The following MAPK6 variants were observed in gnomAD, a reference collection of about 807,000 sequenced individuals.
MAPK6 encodes the protein ERK-3.
Under a neutral mutation model 59.3 loss-of-function variants are expected in MAPK6, and 19 were observed. The ratio of observed to expected loss-of-function variants is 0.32; its 90% CI spans 0.22 to 0.47. MAPK6 has a LOEUF of 0.47. Ranked by LOEUF, MAPK6 falls within the 20% of genes least tolerant of loss-of-function variation. The pLI is 1.00. For synonymous variants in MAPK6, 316 were observed against 290.3 expected (o/e 1.09, Z -0.90); for missense variants, 724 against 847.9 (o/e 0.85, Z 1.81).
intron 1 of MAPK6, among the ~76,000 whole-genome samples, chr15:51,975,835 CA>C (rs2057155690): frequency 6.6e-6 from 1 of 151,810 alleles, no homozygotes; most frequent in Non-Finnish European, 1.5e-5. Context: ...AGTAAATACT[CA>C]GCTGATTTCT....
At chr15:52,044,926 C>CT (rs80337297) in intron 1 of MAPK6, among the ~76,000 whole-genome samples, 6,007 of 130,698 alleles carry the variant, frequency 0.046, 174 homozygotes, top group East Asian at 0.081. Flanking sequence ...TTTTTTTTTC[C>CT]TTTTTTTTTT....
intron 1 of MAPK6, among the ~76,000 whole-genome samples, chr15:52,039,065 TG>T (rs1293358678): frequency 5.2e-4 from 79 of 152,346 alleles, no homozygotes; most frequent in African/African-American, 1.8e-3. Flanking sequence ...CAGGCTGAAG[TG>T]CAGTGGCACG....
chr15:51,976,159 GGGA>G (rs1377752001), intron 1 of MAPK6, among the ~76,000 whole-genome samples: 1 of 150,976 alleles, frequency 6.6e-6, no homozygotes, highest in Admixed American at 6.6e-5. Flanking sequence ...CCAGCTACTC[GGGA>G]GGCTGAGGCA....
chr15:52,040,060 A>G (rs1031987653), intron 1 of MAPK6, among the ~76,000 whole-genome samples: 1 of 152,192 alleles, frequency 6.6e-6, no homozygotes, highest in South Asian at 2.1e-4. Context: ...CCCACCATAC[A>G]TTAGGAGCAA....
chr15:52,054,999 C>T (rs902007474), intron 3 of MAPK6, among the ~76,000 whole-genome samples: 3 of 152,230 alleles, frequency 2.0e-5, no homozygotes, highest in African/African-American at 7.2e-5. Context: ...AGGCCGGTCT[C>T]AAATTCCTGA....
At chr15:52,051,064 T>G (rs1355897020) in intron 3 of MAPK6, among the ~76,000 whole-genome samples, 1 of 149,672 alleles carries the variant, frequency 6.7e-6, no homozygotes, top group African/African-American at 2.4e-5. Flanking sequence ...TCTATACCCA[T>G]TTTTTTTTTC....
chr15:52,041,012 T>C (rs1340734538), intron 1 of MAPK6, among the ~76,000 whole-genome samples: 2 of 152,142 alleles, frequency 1.3e-5, no homozygotes, highest in East Asian at 3.8e-4. Flanking sequence ...CAACCCAGAA[T>C]CAGCAATGGT....
At chr15:52,050,818 G>A (rs111357293) in intron 3 of MAPK6, among the ~76,000 whole-genome samples, 2 of 152,280 alleles carry the variant, frequency 1.3e-5, no homozygotes, top group Non-Finnish European at 2.9e-5. Context: ...ATAAATAAGA[G>A]TATAAGCCTG....
At chr15:52,034,451 A>G (rs2031166499) in intron 1 of MAPK6, among the ~76,000 whole-genome samples, 1 of 151,718 alleles carries the variant, frequency 6.6e-6, no homozygotes, top group South Asian at 2.1e-4. Flanking sequence ...TAGCTGGGAC[A>G]GGCGCATGCC....
rs575072816 is a variant in MAPK6 at position 51,985,671 on chromosome 15, A to G, written c.-770+2356A>G. On this transcript the variant is annotated intron_variant, in intron 2 of 7. Coordinates refer to the MAPK6 transcript ENST00000691380. ...CTGTCTCAAAAAAACAAAAAACAAA[A>G]AACCCGGCCAGGCGCAGTGGCTCAC... 3.4e-5 allele frequency among the ~76,000 whole-genome samples: 5 copies of G among 147,976 alleles called. No homozygotes were observed. In the East Asian group the frequency reaches 1.0e-3, roughly 30 times the overall value.
chr15:52,054,617 G>A (rs1303432159), intron 3 of MAPK6, among the ~76,000 whole-genome samples: 1 of 151,902 alleles, frequency 6.6e-6, no homozygotes, highest in Non-Finnish European at 1.5e-5. Flanking sequence ...AATGGGAGCG[G>A]AGTTCAGTTC....
chr15:52,064,793 G>A lies in MAPK6; in HGVS notation c.1959G>A (p.Gly653=), dbSNP rs369666891. 2.1e-5 allele frequency: 34 copies of A among 1,611,790 alleles called. No individual in the cohort carries two copies. The highest frequency in any genetic ancestry group is 2.7e-5 in the Non-Finnish European group (32 of 1,179,816). Residue 653 remains glycine (G), a synonymous_variant, in exon 6 of 6, where the codon GGG becomes GGA. Transcript: ENST00000261845. The part of the protein sequence containing the change: ...ETEPVEDGKL[G]ERGHEEGFLN... Reference sequence around the variant, plus strand: ...AGCCAGTAGAGGATGGGAAGCTTGGGGAGAGAGGACATGAGGAAGGATTTC... The same window carrying A: ...AGCCAGTAGAGGATGGGAAGCTTGGAGAGAGAGGACATGAGGAAGGATTTC...
In MAPK6 at chr15:52,046,631, G is replaced by A. The variant is rs1214149141; in HGVS notation, c.171G>A (p.Gln57=). The change falls in exon 2 of 6, where the codon CAG becomes CAA. Residue 57 remains glutamine, a synonymous_variant. Transcript: ENST00000261845. ...AIKKIVLTDP[Q]SVKHALREIK... ...AGAAAATTGTCCTTACTGATCCCCA[G>A]AGTGTCAAACATGCTCTACGTGAAA... 6.2e-7 allele frequency: 1 copy of A among 1,614,140 alleles called. No homozygotes were observed. The highest frequency in any genetic ancestry group is 1.7e-5 in the Admixed American group (1 of 60,022).
chr15:52,030,499 A>G (rs1449889750), intron 1 of MAPK6, among the ~76,000 whole-genome samples: 1 of 151,916 alleles, frequency 6.6e-6, no homozygotes, highest in Non-Finnish European at 1.5e-5. Context: ...TCCCAAGTAC[A>G]TGATTGAGAT....
At chr15:52,021,801 TTA>T (rs1337951701) in intron 1 of MAPK6, among the ~76,000 whole-genome samples, 1 of 152,202 alleles carries the variant, frequency 6.6e-6, no homozygotes, top group African/African-American at 2.4e-5. Context: ...TAAAACATAA[TTA>T]TATATTGTGC....
rs138380643 is a variant in MAPK6 at position 52,004,454 on chromosome 15, A to G, written c.-632+52A>G. 3.5e-4 allele frequency: 54 copies of G among 152,344 alleles called. 1 individual carries two copies. Among genetic ancestry groups the G allele is most frequent in the African/African-American group, 1.3e-3 (54 of 41,586 alleles). 9.4% of individuals were successfully genotyped at this position (152,344 alleles called of 1,614,324 possible). A position where few individuals can be genotyped will look rare whatever the true frequency, so the allele number is the denominator to read the frequency against. ...CGGTTGTTGGTATCTGAGGGGTTAT[A>G]TAGTTGCCCCTGTTTCCCTTTCTCA... On this transcript the variant is annotated intron_variant, in intron 3 of 7. Transcript: ENST00000691380.
chr15:51,976,296 T>G lies in MAPK6; in HGVS notation c.-880+4390T>G, dbSNP rs931722449. ...AAAAAAAAAAAAAAAAGAAGTTAAT[T>G]ATAAACTATGTAGAGGTACTAAAAA... On this transcript the variant is annotated intron_variant, in intron 1 of 7. Coordinates refer to the MAPK6 transcript ENST00000691380. Among the ~76,000 whole-genome samples, 23 of 150,052 alleles carry G rather than the reference T, an allele frequency of 1.5e-4. 1 individual carries two copies. Among genetic ancestry groups the G allele is most frequent in the African/African-American group, 5.6e-4 (23 of 40,990 alleles).
chr15:52,058,640 T>C lies in MAPK6; in HGVS notation c.708T>C (p.His236=), dbSNP rs2032077724. 6.2e-7 allele frequency: 1 copy of C among 1,601,326 alleles called. No individual in the cohort carries two copies. The highest frequency in any genetic ancestry group is 8.5e-7 in the Non-Finnish European group (1 of 1,173,096). ...LTGKTLFAGA[H]ELEQMQLILE... ...TTTGTTTTTTAACCTCAGGTGCACA[T>C]GAACTTGAACAGATGCAGCTGATTT... The change falls in exon 4 of 6, where the codon CAT becomes CAC. Residue 236 remains histidine (H), a synonymous_variant. Coordinates refer to ENST00000261845, the MANE Select transcript of MAPK6 (RefSeq NM_002748.4).
chr15:52,016,062 G>A (rs1192276051), upstream of MAPK6, among the ~76,000 whole-genome samples: 109 of 59,140 alleles, frequency 1.8e-3, 2 homozygotes, highest in African/African-American at 5.7e-3. Context: ...TCGCGCGCGC[G>A]CGCGCGCGCA....
Sources: gnomAD v4.1 joint callset for allele counts (sites outside exome capture counted in the v4.1 genomes callset) on GRCh38, gnomAD v4.1.1 for gene constraint, MANE v1.5 for transcripts, NCBI Gene and HGNC (gene_info 2026-07-23, HGNC 2026-07-21) for gene names.